Variants in TRPV3 observed in about 807,000 individuals in gnomAD.
TRPV3 encodes transient receptor potential cation channel subfamily V member 3.
In TRPV3, 88 loss-of-function variants were observed where a neutral mutation model predicts 87.1. The observed-to-expected ratio is 1.01, with a 90% CI of 0.85 to 1.21. TRPV3 has a LOEUF of 1.21. Ranked by LOEUF, TRPV3 falls within the 50% of genes most tolerant of loss-of-function variation. The pLI is 0.00. For missense variants in TRPV3, 1,054 were observed against 1,030.1 expected, an observed-to-expected ratio of 1.02 and a Z score of -0.32; for synonymous variants, 438 against 423.3, an observed-to-expected ratio of 1.03 and a Z score of -0.43.
At chr17:3,537,431 G>A (rs535971695) in intron 6 of TRPV3, among the ~76,000 whole-genome samples, 7 of 151,656 alleles carry the variant, frequency 4.6e-5, no homozygotes, top group East Asian at 1.9e-4. Flanking sequence ...CACCACTCCC[G>A]GCTTATTTTT....
At chr17:3,545,022 AAAT>A (rs2074510704) in intron 3 of TRPV3, 142 bp downstream of exon 3, 2 of 580,334 alleles carry the variant, frequency 3.4e-6, no homozygotes, top group Non-Finnish European at 6.0e-6. Flanking sequence ...TCAAAAAGAT[AAAT>A]AATAATAATA....
chr17:3,555,839 T>G (rs961880032), intron 1 of TRPV3, among the ~76,000 whole-genome samples: 9 of 152,070 alleles, frequency 5.9e-5, no homozygotes, highest in Non-Finnish European at 1.3e-4. Context: ...GCGAAAGCCA[T>G]GCGGGCAGGC....
chr17:3,519,271 C>T (rs933624382), intron 14 of TRPV3, among the ~76,000 whole-genome samples: 2 of 152,228 alleles, frequency 1.3e-5, no homozygotes, highest in African/African-American at 2.4e-5. Flanking sequence ...CAAGACCAGG[C>T]TCACACTTCC....
intron 12 of TRPV3, 30 bp from the exon 13 acceptor site, chr17:3,524,393 T>G (rs2074276303): frequency 6.2e-7 from 1 of 1,611,570 alleles, no homozygotes; most frequent in East Asian, 2.2e-5. Context: ...GACACGGGCC[T>G]TACTTACTTC....
At chr17:3,533,146 T>C (rs940935492) in intron 7 of TRPV3, among the ~76,000 whole-genome samples, 5 of 152,142 alleles carry the variant, frequency 3.3e-5, no homozygotes, top group Admixed American at 6.5e-5. Context: ...ACCCTGGCCC[T>C]TTAATACTCT....
At position 3,530,343 on chromosome 17, in the gene TRPV3, T is replaced by A; in HGVS notation, c.1066-140A>T. 1 of 773,762 alleles carries A rather than the reference T, an allele frequency of 1.3e-6. No individual in the cohort carries two copies. Among genetic ancestry groups the A allele is most frequent in the Non-Finnish European group, 2.0e-6 (1 of 499,956 alleles). The allele number at this position is 773,762 out of a possible 1,614,324, so 47.9% of individuals were successfully genotyped here. A position where few individuals can be genotyped will look rare whatever the true frequency, so the allele number is the denominator to read the frequency against. On this transcript the variant is annotated intron_variant, in intron 8 of 17. Transcript: ENST00000576742. The surrounding 1 kb of genome is among the most constrained non-coding windows in gnomAD (Gnocchi z 4.0). ...AGACCTGCCTCTGCGCCTGGCGCCA[T>A]GGCCCCTGGGCCCCGTCTTTATCTG...
intron 2 of TRPV3, among the ~76,000 whole-genome samples, chr17:3,550,960 G>A (rs2074568383): frequency 6.6e-6 from 1 of 152,226 alleles, no homozygotes; most frequent in African/African-American, 2.4e-5. Flanking sequence ...CCAGAGCTAA[G>A]ACATCATCCC....
chr17:3,517,954 G>T lies in TRPV3; in HGVS notation c.2085+622C>A, dbSNP rs542521056. On this transcript the variant is annotated intron_variant, in intron 15 of 17. Transcript: ENST00000576742. ...CTGCCTCAGCCTCCCAAGTAGCTGG[G>T]ATTACAGGTGCGTACTAACACACCT... Among the ~76,000 whole-genome samples the T allele has an allele frequency of 3.6e-4, 55 of 151,948 alleles. 1 individual carries two copies. Among genetic ancestry groups the T allele is most frequent in the African/African-American group, 1.3e-3 (52 of 41,470 alleles).
chr17:3,520,148 A>C (rs997400570), intron 14 of TRPV3, among the ~76,000 whole-genome samples: 1 of 152,096 alleles, frequency 6.6e-6, no homozygotes, highest in Admixed American at 6.6e-5. Context: ...CAGCTACTTA[A>C]TTTCAAATGT....
At chr17:3,519,395 GGGATGGAT>G (rs1209904290) in intron 14 of TRPV3, among the ~76,000 whole-genome samples, 5 of 110,704 alleles carry the variant, frequency 4.5e-5, no homozygotes, top group Non-Finnish European at 9.3e-5. Flanking sequence ...ATTAGATGGA[GGGATGGAT>G]GGATGGATGG....
chr17:3,557,179 C>A lies in TRPV3; in HGVS notation c.-3+497G>T, dbSNP rs1219250940. ...TGGCCCTCCCTCTCTCTCCCAATCC[C>A]TGACACTGATTGAAATGGCCTTTCC... On this transcript the variant is annotated intron_variant, in intron 1 of 17. Transcript: ENST00000576742. The surrounding 1 kb of genome is among the most constrained non-coding windows in gnomAD (Gnocchi z 4.5). 1.3e-5 allele frequency among the ~76,000 whole-genome samples: 2 copies of A among 152,170 alleles called. No homozygotes were observed. The highest frequency in any genetic ancestry group is 2.9e-5 in the Non-Finnish European group (2 of 68,020).
intron 14 of TRPV3, among the ~76,000 whole-genome samples, chr17:3,519,581 A>G (rs555397889): frequency 0.096 from 6,721 of 70,106 alleles, 365 homozygotes; most frequent in African/African-American, 0.15. Flanking sequence ...TGGATGATTA[A>G]ATGGATGAAT....
In TRPV3 at chr17:3,543,578, T is replaced by G; in HGVS notation, c.362A>C (p.Lys121Thr). The change falls in exon 5 of 18, where the codon AAG (lysine) becomes ACG (threonine). Residue 121 changes from lysine to threonine, a missense_variant. Transcript: ENST00000576742. ...EQRRKKRRLK[K>T]RIFAAVSEGC... ...CTCAGACACGGCTGCAAAGATGCGC[T>G]TCTTCAGCCGCCTCTTTTTCCTCCT... The G allele has an allele frequency of 6.2e-7, 1 of 1,614,170 alleles. No homozygotes were observed. Among genetic ancestry groups the G allele is most frequent in the Non-Finnish European group, 8.5e-7 (1 of 1,180,038 alleles).
At chr17:3,550,673 C>T (rs142734349) in intron 2 of TRPV3, among the ~76,000 whole-genome samples, 3,469 of 152,006 alleles carry the variant, frequency 0.023, 127 homozygotes, top group African/African-American at 0.074. Flanking sequence ...TACAGGCGCC[C>T]GCCACCACAC....
intron 2 of TRPV3, among the ~76,000 whole-genome samples, chr17:3,548,004 C>A (rs746799211): frequency 1.6e-4 from 24 of 152,210 alleles, no homozygotes; most frequent in Non-Finnish European, 2.9e-4. Flanking sequence ...GAGGATCAGG[C>A]TGAGGGTGAC....
intron 7 of TRPV3, among the ~76,000 whole-genome samples, chr17:3,533,792 C>T (rs1279489069): frequency 2.6e-5 from 4 of 152,112 alleles, no homozygotes; most frequent in Admixed American, 6.5e-5. Flanking sequence ...TCACTGCACT[C>T]GGTCTACTTT....
Position 3,530,192 on chromosome 17 carries a change from G to A in TRPV3, c.1077C>T (p.Tyr359=). The change falls in exon 9 of 18, where the codon TAC becomes TAT. Residue 359 remains tyrosine (Y), a synonymous_variant. Coordinates refer to ENST00000576742, the MANE Select transcript of TRPV3 (RefSeq NM_145068.4). The surrounding 1 kb of genome is among the most constrained non-coding windows in gnomAD (Gnocchi z 4.0). ...AKMGKAEILK[Y]ILSREIKEKR... is the part of the protein sequence containing the mutation. ...TCTCCTTGATCTCACGACTGAGGAT[G>A]TACTTCAGGATCTGGGACAGGAGGA... The A allele has an allele frequency of 6.2e-7, 1 of 1,612,298 alleles. No homozygotes were observed.
intron 11 of TRPV3, 34 bp downstream of exon 11, chr17:3,527,991 G>A (rs373070841): frequency 1.1e-4 from 178 of 1,551,162 alleles, no homozygotes; most frequent in African/African-American, 1.5e-4. Context: ...CCTGCCTCGC[G>A]GGGCGGTCTG....
chr17:3,533,516 T>TC (rs1411148938), intron 7 of TRPV3, among the ~76,000 whole-genome samples: 2 of 151,666 alleles, frequency 1.3e-5, no homozygotes, highest in Non-Finnish European at 2.9e-5. Context: ...TTTTTTTTTT[T>TC]TGAGATGGAG....
Sources: allele counts gnomAD v4.1 joint callset (sites outside exome capture counted in the v4.1 genomes callset), GRCh38; gene constraint gnomAD v4.1.1; non-coding constraint Gnocchi (gnomAD v3.1); transcripts MANE v1.5; gene names NCBI Gene and HGNC (gene_info 2026-07-23, HGNC 2026-07-21).